LRP1B: variants seen among roughly 807,000 people sequenced by gnomAD.
LRP1B encodes LDL receptor related protein 1B.
In LRP1B, 217 loss-of-function variants were observed where a neutral mutation model predicts 556.6. The observed-to-expected ratio is 0.39, with a 90% CI of 0.35 to 0.44. LRP1B has a LOEUF of 0.44. Among genes scored for constraint, LRP1B ranks in the 20% least tolerant of loss-of-function variants. The probability of loss-of-function intolerance (pLI) is 1.00; values close to 1 mark genes in which losing one functional copy is unlikely to be tolerated. For synonymous variants in LRP1B, 2,047 were observed against 1,865.8 expected (o/e 1.10, Z -2.50); for missense variants, 5,053 against 5,620.8 (o/e 0.90, Z 3.23).
chr2:141,229,496 A>G (rs1405920958), intron 5 of LRP1B, 56 bp from the exon 6 acceptor site: 3 of 1,283,558 alleles, frequency 2.3e-6, no homozygotes, highest in Non-Finnish European at 3.3e-6. Flanking sequence ...ATTATTTTAC[A>G]GTTTTGCCCT....
At chr2:140,331,519 T>C (rs1292724020) in intron 79 of LRP1B, among the ~76,000 whole-genome samples, 1 of 151,900 alleles carries the variant, frequency 6.6e-6, no homozygotes, top group Admixed American at 6.6e-5. Context: ...GCATTTAAGG[T>C]GTTCTCTTCT....
intron 3 of LRP1B, among the ~76,000 whole-genome samples, chr2:141,267,781 A>C (rs1002920261): frequency 2.6e-5 from 4 of 152,136 alleles, no homozygotes; most frequent in Non-Finnish European, 5.9e-5. Flanking sequence ...TGCATATATA[A>C]TTGAAGAAGG....
At chr2:140,451,907 C>T (rs41478345) in intron 62 of LRP1B, among the ~76,000 whole-genome samples, 1 of 151,764 alleles carries the variant, frequency 6.6e-6, no homozygotes, top group Non-Finnish European at 1.5e-5. Flanking sequence ...TTATCCTTTC[C>T]ACTTGAAACA....
intron 2 of LRP1B, among the ~76,000 whole-genome samples, chr2:141,627,686 A>T (rs1397658243): frequency 6.6e-6 from 1 of 152,216 alleles, no homozygotes; most frequent in Admixed American, 6.5e-5. Flanking sequence ...GGTCCATGGA[A>T]ACACTGTCGT....
At chr2:142,087,138 T>C (rs890564378) in intron 1 of LRP1B, among the ~76,000 whole-genome samples, 56 of 152,290 alleles carry the variant, frequency 3.7e-4, no homozygotes, top group African/African-American at 1.3e-3. Flanking sequence ...TTTTCTATTT[T>C]AGGTTTCTAC....
At chr2:142,048,372 T>A (rs1275590345) in intron 1 of LRP1B, among the ~76,000 whole-genome samples, 1 of 152,102 alleles carries the variant, frequency 6.6e-6, no homozygotes, top group Non-Finnish European at 1.5e-5. Flanking sequence ...GGGATTCCCC[T>A]CATAAGTTTT....
intron 41 of LRP1B, among the ~76,000 whole-genome samples, chr2:140,645,119 C>G (rs988303317): frequency 1.3e-5 from 2 of 152,048 alleles, no homozygotes; most frequent in Non-Finnish European, 2.9e-5. Flanking sequence ...AATCAGGAAG[C>G]CTTTTTTCGG....
intron 41 of LRP1B, among the ~76,000 whole-genome samples, chr2:140,606,950 T>C (rs1292471351): frequency 6.6e-6 from 1 of 151,998 alleles, no homozygotes; most frequent in East Asian, 1.9e-4. Context: ...AAAACAGATG[T>C]TAGATCTCAT....
chr2:141,758,542 A>T (rs759318170), intron 2 of LRP1B, among the ~76,000 whole-genome samples: 1 of 152,088 alleles, frequency 6.6e-6, no homozygotes, highest in Non-Finnish European at 1.5e-5. Flanking sequence ...AAACATAGGA[A>T]ATTAATAGGT....
chr2:140,841,170 T>A (rs2105098728), intron 29 of LRP1B, 78 bp from the exon 30 acceptor site: 1 of 906,642 alleles, frequency 1.1e-6, no homozygotes, highest in Non-Finnish European at 1.6e-6. Flanking sequence ...TTATTTTCTA[T>A]CTAAGGGAAA....
intron 1 of LRP1B, among the ~76,000 whole-genome samples, chr2:142,050,240 C>A (rs1704408075): frequency 6.6e-6 from 1 of 151,990 alleles, no homozygotes; most frequent in Non-Finnish European, 1.5e-5. Flanking sequence ...TGGCAATTGC[C>A]TTTAAAATTG....
intron 35 of LRP1B, among the ~76,000 whole-genome samples, chr2:140,736,010 G>A (rs907688654): frequency 2.3e-4 from 35 of 152,138 alleles, no homozygotes; most frequent in African/African-American, 7.2e-4. Context: ...TAACACTCTA[G>A]CAAGGGCTAG....
intron 2 of LRP1B, among the ~76,000 whole-genome samples, chr2:141,778,677 A>G (rs10197149): frequency 6.6e-5 from 10 of 152,234 alleles, no homozygotes; most frequent in Non-Finnish European, 5.9e-5. Context: ...ACAAAATGTA[A>G]TGGGGCAGAA....
At chr2:141,560,321 GT>G (rs1343433157) in intron 2 of LRP1B, among the ~76,000 whole-genome samples, 1 of 151,714 alleles carries the variant, frequency 6.6e-6, no homozygotes, top group African/African-American at 2.4e-5. Context: ...GGAAGAGGGT[GT>G]GATACTTTTT....
At chr2:140,485,233 A>G (rs1242689307) in intron 59 of LRP1B, 110 bp downstream of exon 59, 9 of 648,776 alleles carry the variant, frequency 1.4e-5, no homozygotes, top group Admixed American at 1.1e-4. Context: ...GAATTTCTGC[A>G]CACTTACACG....
intron 7 of LRP1B, among the ~76,000 whole-genome samples, chr2:141,181,102 T>C (rs1172608279): frequency 6.6e-6 from 1 of 151,944 alleles, no homozygotes; most frequent in Non-Finnish European, 1.5e-5. Context: ...CTTATTTAGG[T>C]GGGCATGTAC....
At chr2:140,506,765 A>T in intron 53 of LRP1B, 31 bp downstream of exon 53, 1 of 1,594,374 alleles carries the variant, frequency 6.3e-7, no homozygotes, top group East Asian at 2.2e-5. Context: ...TAGCCTAGGA[A>T]TCTCCTTCAT....
At chr2:140,946,053 C>A (rs1002258742) in intron 20 of LRP1B, among the ~76,000 whole-genome samples, 2 of 152,104 alleles carry the variant, frequency 1.3e-5, no homozygotes, top group Admixed American at 1.3e-4. Flanking sequence ...AAGACATGAA[C>A]AGACACTTCT....
At chr2:140,986,506 T>A (rs1544961) in intron 17 of LRP1B, among the ~76,000 whole-genome samples, 53,531 of 151,952 alleles carry the variant, frequency 0.35, 9,894 homozygotes, top group East Asian at 0.59. Flanking sequence ...GTATTGCCAA[T>A]GCTGAGTTTT....
Sources: allele counts gnomAD v4.1 joint callset (sites outside exome capture counted in the v4.1 genomes callset), GRCh38; gene constraint gnomAD v4.1.1; transcripts MANE v1.5; gene names NCBI Gene and HGNC (gene_info 2026-07-23, HGNC 2026-07-21).